Variants in MTM1 observed in about 807,000 individuals in gnomAD.
MTM1 encodes the protein myotubularin 1.
Under a neutral mutation model 52.1 loss-of-function variants are expected in MTM1, and 9 were observed. That is an observed-to-expected ratio of 0.17 (90% CI 0.10 to 0.30). The LOEUF (loss-of-function observed/expected upper bound fraction) is 0.30, where lower values mean the gene tolerates loss of function less well. Ranked by LOEUF, MTM1 falls within the 10% of genes least tolerant of loss-of-function variation. The probability of loss-of-function intolerance (pLI) is 1.00; values close to 1 mark genes in which losing one functional copy is unlikely to be tolerated. For synonymous variants in MTM1, 136 were observed against 163.8 expected (o/e 0.83, Z 1.29); for missense variants, 277 against 470.7 (o/e 0.59, Z 3.81).
intron 14 of MTM1, among the ~76,000 whole-genome samples, chrX:150,670,545 G>A (rs1009009314): frequency 8.9e-6 from 1 of 111,767 alleles, no homozygotes; most frequent in Non-Finnish European, 1.9e-5. Context: ...CAATACAAAC[G>A]AAAACTACCG....
In MTM1 at chrX:150,592,645, T is replaced by C. The variant is rs2038905216; in HGVS notation, c.31T>C (p.Ser11Pro). The C allele has an allele frequency of 8.4e-7, 1 of 1,195,055 alleles. No individual in the cohort carries two copies. Among genetic ancestry groups the C allele is most frequent in the African/African-American group, 1.7e-5 (1 of 57,523 alleles). The change falls in exon 2 of 15, where the codon TCA (serine) becomes CCA (proline). Residue 11 changes from serine to proline, a missense_variant. Physicochemically the swap from Ser to Pro is moderately conservative, Grantham distance 74. This residue lies in a region of MTM1 where 164 missense variants were observed against 283.3 expected (regional missense o/e 0.58). Coordinates refer to ENST00000370396, the MANE Select transcript of MTM1 (RefSeq NM_000252.3). MASASTSKYN[S>P]HSLENESIKR... is the part of the protein sequence containing the mutation. ...TTCTGCATCAACTTCTAAATATAATTCACACTCCTTGGAGAATGAGTCTAT... is the reference window on the plus strand; with the variant it reads ...TTCTGCATCAACTTCTAAATATAATCCACACTCCTTGGAGAATGAGTCTAT...
rs190061324 is a variant in MTM1 at position 150,658,103 on chromosome X, T to C, written c.1260+76T>C. On this transcript the variant is annotated intron_variant, in intron 11 of 14. Transcript: ENST00000370396. ...TTAAAACTAGTTGTTAAATTACATA[T>C]TCAGTATTACAATGAAAATCTGAGG... is the stretch of plus-strand genomic sequence containing the variant. The C allele has an allele frequency of 2.8e-3, 2,337 of 841,644 alleles. 7 individuals carry two copies. The Middle Eastern group carries it at 0.028, about 10-fold the overall frequency. 69.4% of individuals were successfully genotyped at this position (841,644 alleles called of 1,213,427 possible).
At chrX:150,603,706 T>C (rs2039104265) in intron 4 of MTM1, among the ~76,000 whole-genome samples, 1 of 112,245 alleles carries the variant, frequency 8.9e-6, no homozygotes, top group Non-Finnish European at 1.9e-5. Context: ...GCTCTACAAC[T>C]ACCACGTGGA....
At chrX:150,624,337 ATAC>A (rs2039530862) in intron 6 of MTM1, among the ~76,000 whole-genome samples, 1 of 112,288 alleles carries the variant, frequency 8.9e-6, no homozygotes, top group African/African-American at 3.2e-5. Context: ...ATGAAGCTCA[ATAC>A]TAGTTCTAGG....
intron 4 of MTM1, among the ~76,000 whole-genome samples, chrX:150,614,370 A>G (rs2039344197): frequency 8.9e-6 from 1 of 112,225 alleles, no homozygotes; most frequent in South Asian, 3.7e-4. Context: ...CTCCAGAGGC[A>G]GTGCACAATG....
At chrX:150,577,387 CTG>C (rs1376640510) in intron 1 of MTM1, among the ~76,000 whole-genome samples, 4 of 112,594 alleles carry the variant, frequency 3.6e-5, no homozygotes, top group African/African-American at 1.3e-4. Flanking sequence ...AACTGTCAAA[CTG>C]TTTTCCAAAG....
At chrX:150,661,248 T>C (rs1400116534) in intron 13 of MTM1, among the ~76,000 whole-genome samples, 1 of 110,911 alleles carries the variant, frequency 9.0e-6, no homozygotes, top group Non-Finnish European at 1.9e-5. Context: ...GGTCTCGAAC[T>C]CCTGAGCTCA....
At chrX:150,617,735 G>A (rs1018198453) in intron 5 of MTM1, among the ~76,000 whole-genome samples, 2 of 111,895 alleles carry the variant, frequency 1.8e-5, no homozygotes, top group Non-Finnish European at 3.8e-5. Flanking sequence ...CTTGAGATAA[G>A]GAAGGAAAAA....
At chrX:150,649,626 T>G in intron 9 of MTM1, 90 bp from the exon 10 acceptor site, 1 of 851,547 alleles carries the variant, frequency 1.2e-6, no homozygotes, top group Non-Finnish European at 1.7e-6. Context: ...TTTGGGGTTA[T>G]TTGGAGGACA....
intron 14 of MTM1, among the ~76,000 whole-genome samples, chrX:150,667,403 G>T (rs2040321720): frequency 9.0e-6 from 1 of 111,590 alleles, no homozygotes; most frequent in Admixed American, 9.6e-5. Context: ...CTAGTCTTCT[G>T]TAGAATTGAT....
At chrX:150,590,995 G>T in intron 1 of MTM1, 1 of 736,806 alleles carries the variant, frequency 1.4e-6, no homozygotes, top group Non-Finnish European at 1.6e-6. Flanking sequence ...CATCCATTCT[G>T]CTATCTCTGA....
upstream of MTM1, among the ~76,000 whole-genome samples, chrX:150,565,993 TACACACACACACACACAC>T (rs782745793): frequency 1.1e-5 from 1 of 88,452 alleles, no homozygotes; most frequent in Admixed American, 1.3e-4. Context: ...TGAAGATTCC[TACACACACACACACACAC>T]ACACACACAC....
At position 150,596,568 on chromosome X, in the gene MTM1, C is replaced by T; in HGVS notation, c.134C>T (p.Thr45Ile). ...CGACTTCCAGGAGAAACACTAATCA[C>T]TGGTAAGGACCTGCTGACATAAGAT... is the stretch of plus-strand genomic sequence containing the variant. ...VPRLPGETLITDKEVIYICPF... is the reference protein window; with the variant it reads ...VPRLPGETLIIDKEVIYICPF... The change falls in exon 3 of 15, where the codon ACT becomes ATT. Residue 45 changes from threonine to isoleucine, a missense_variant and splice_region_variant. Transcript: ENST00000370396. 8.3e-7 allele frequency: 1 copy of T among 1,202,535 alleles called. No individual in the cohort carries two copies.
intron 4 of MTM1, among the ~76,000 whole-genome samples, chrX:150,611,842 A>G (rs1463020534): frequency 4.5e-5 from 5 of 111,239 alleles, no homozygotes; most frequent in Non-Finnish European, 9.4e-5. Context: ...CCTCTCTACA[A>G]TTTTGTCATT....
intron 1 of MTM1, among the ~76,000 whole-genome samples, chrX:150,591,261 C>G (rs899381287): frequency 8.9e-6 from 1 of 112,083 alleles, no homozygotes; most frequent in African/African-American, 3.2e-5. Flanking sequence ...TTCCAGTGTT[C>G]TGGGATTTGG....
chrX:150,614,964 G>C (rs781957131), intron 5 of MTM1, among the ~76,000 whole-genome samples: 8 of 111,196 alleles, frequency 7.2e-5, no homozygotes, highest in Non-Finnish European at 1.1e-4. Flanking sequence ...GAACTTTATA[G>C]ATAAAATTTC....
chrX:150,571,381 C>T lies in MTM1; in HGVS notation c.-11+2719C>T, dbSNP rs1190923521. On this transcript the variant is annotated intron_variant, in intron 1 of 14. Coordinates refer to ENST00000370396, the MANE Select transcript of MTM1 (RefSeq NM_000252.3). The stretch of plus-strand genomic sequence containing the variant: ...TGACTCTGGATTGGGCAGCCTGCCC[C>T]AATTTGAATCCTGGACCTAATATTA... Among the ~76,000 whole-genome samples the T allele has an allele frequency of 2.7e-5, 3 of 111,686 alleles. No homozygotes were observed. The East Asian group carries it at 8.3e-4, about 31-fold the overall frequency.
chrX:150,669,092 A>T (rs1434714096), intron 14 of MTM1, among the ~76,000 whole-genome samples: 1 of 110,252 alleles, frequency 9.1e-6, no homozygotes, highest in African/African-American at 3.3e-5. Flanking sequence ...ATGTGTTCTC[A>T]ATGTTCACCT....
At chrX:150,624,587 G>A (rs1430219703) in intron 6 of MTM1, among the ~76,000 whole-genome samples, 1 of 112,100 alleles carries the variant, frequency 8.9e-6, no homozygotes, top group Admixed American at 9.5e-5. Context: ...TTAGATGAGA[G>A]TTTTTTAAAC....
Sources: gnomAD v4.1 joint callset for allele counts (sites outside exome capture counted in the v4.1 genomes callset) on GRCh38, gnomAD v4.1.1 for gene constraint, gnomAD v4.1.1 regional missense constraint, MANE v1.5 for transcripts, NCBI Gene and HGNC (gene_info 2026-07-23, HGNC 2026-07-21) for gene names.